The following GRID2 variants were observed in gnomAD, a reference collection of about 807,000 sequenced individuals.
GRID2 encodes glutamate ionotropic receptor delta type subunit 2, also known as glutamate receptor ionotropic, delta-2.
Under a neutral mutation model 114.8 loss-of-function variants are expected in GRID2, and 33 were observed. That is an observed-to-expected ratio of 0.29 (90% confidence interval 0.22 to 0.38). The LOEUF (loss-of-function observed/expected upper bound fraction) is 0.38. Among genes scored for constraint, GRID2 ranks in the 10% least tolerant of loss-of-function variants. The pLI, the probability that GRID2 is intolerant of heterozygous loss-of-function variation, is 1.00. For synonymous variants in GRID2, 505 were observed against 449.9 expected (o/e 1.12, Z -1.55); for missense variants, 1,184 against 1,257.7 (o/e 0.94, Z 0.89).
intron 1 of GRID2, among the ~76,000 whole-genome samples, chr4:92,495,393 G>A (rs147353051): frequency 5.3e-5 from 8 of 152,060 alleles, no homozygotes; most frequent in Non-Finnish European, 1.0e-4. Flanking sequence ...AAGAAATAAG[G>A]TAGAGGATCT....
chr4:92,407,638 A>G (rs982583803), intron 1 of GRID2, among the ~76,000 whole-genome samples: 2 of 152,044 alleles, frequency 1.3e-5, no homozygotes, highest in Middle Eastern at 6.3e-3. Context: ...CTGGTGTGAG[A>G]TGGTATCTCC....
chr4:92,378,029 A>G (rs1729437720), intron 1 of GRID2, among the ~76,000 whole-genome samples: 1 of 152,074 alleles, frequency 6.6e-6, no homozygotes, highest in South Asian at 2.1e-4. Context: ...AAGTACAGCA[A>G]AAATTACTGT....
chr4:92,780,813 T>C (rs1466432675), intron 2 of GRID2, among the ~76,000 whole-genome samples: 1 of 151,398 alleles, frequency 6.6e-6, no homozygotes, highest in Non-Finnish European at 1.5e-5. Flanking sequence ...TAAAACTTGC[T>C]TATATGCCTT....
chr4:93,734,147 T>C (rs1469663400), intron 14 of GRID2, among the ~76,000 whole-genome samples: 2 of 152,054 alleles, frequency 1.3e-5, no homozygotes, highest in Admixed American at 6.5e-5. Context: ...ATAAAAGTTC[T>C]CCCTCAGAGG....
chr4:92,403,698 AAAT>A (rs1730899240), intron 1 of GRID2, among the ~76,000 whole-genome samples: 2 of 8,108 alleles, frequency 2.5e-4, no homozygotes, highest in Non-Finnish European at 5.6e-4. Flanking sequence ...TCTCAAAAAT[AAAT>A]AAATAAATAA....
chr4:93,331,476 C>T (rs1006773918), intron 8 of GRID2, among the ~76,000 whole-genome samples: 2 of 151,884 alleles, frequency 1.3e-5, no homozygotes, highest in African/African-American at 2.4e-5. Flanking sequence ...CTTTTTGTAA[C>T]ATTGATCACA....
At chr4:93,214,603 T>C (rs976025483) in intron 5 of GRID2, among the ~76,000 whole-genome samples, 1 of 152,082 alleles carries the variant, frequency 6.6e-6, no homozygotes, top group East Asian at 1.9e-4. Flanking sequence ...AATTACTTTC[T>C]CTTCCCTTCC....
rs75618602 is a variant in GRID2, at chr4:92,723,628, G to A, written c.244+133342G>A. Among the ~76,000 whole-genome samples the A allele has an allele frequency of 8.0e-3, 1,212 of 152,148 alleles. 19 individuals carry two copies. The highest frequency in any genetic ancestry group is 0.026 in the African/African-American group (1,093 of 41,508). Reference sequence around the variant, plus strand: ...AGTTACTTCTTTATTTTAAAAAGAAGCATTAGCCTTTCAGAATTGCTGTTT... The same window carrying A: ...AGTTACTTCTTTATTTTAAAAAGAAACATTAGCCTTTCAGAATTGCTGTTT... On this transcript the variant is annotated intron_variant, in intron 2 of 15. Transcript: ENST00000282020.
In GRID2 at chr4:93,010,710, A is replaced by AT. The variant is rs565299524; in HGVS notation, c.245-74277dup. Among the ~76,000 whole-genome samples, 707 of 151,944 alleles carry AT rather than the reference A, an allele frequency of 4.7e-3. 2 individuals carry two copies. Among genetic ancestry groups the AT allele is most frequent in the Non-Finnish European group, 5.8e-3 (392 of 67,924 alleles). On this transcript the variant is annotated intron_variant, in intron 2 of 15. Coordinates refer to ENST00000282020, the MANE Select transcript of GRID2 (RefSeq NM_001510.4). ...ATCTGTTTGCCTGAAACTCCAGAGGATTTTTTTTAAAATATCCTTAAGAAC... is the reference window on the plus strand; with the variant it reads ...ATCTGTTTGCCTGAAACTCCAGAGGATTTTTTTTTAAAATATCCTTAAGAAC...
chr4:93,461,125 A>G (rs1221992337), intron 11 of GRID2, among the ~76,000 whole-genome samples: 1 of 152,172 alleles, frequency 6.6e-6, no homozygotes, highest in East Asian at 1.9e-4. Context: ...TTTCTATCCC[A>G]CTGCTCCCTT....
chr4:93,283,011 T>C (rs757095385), intron 8 of GRID2, among the ~76,000 whole-genome samples: 1 of 152,002 alleles, frequency 6.6e-6, no homozygotes, highest in Non-Finnish European at 1.5e-5. Context: ...TCTGCACTTA[T>C]GACCTAAACA....
intron 14 of GRID2, among the ~76,000 whole-genome samples, chr4:93,727,390 G>A (rs1358401497): frequency 6.6e-6 from 1 of 152,172 alleles, no homozygotes; most frequent in African/African-American, 2.4e-5. Context: ...CGGTTTGCCA[G>A]TATTTTATTG....
chr4:92,393,374 T>A (rs1011524288), intron 1 of GRID2, among the ~76,000 whole-genome samples: 1 of 152,210 alleles, frequency 6.6e-6, no homozygotes, highest in Non-Finnish European at 1.5e-5. Context: ...TAATCTTACA[T>A]AATATCTCTC....
At chr4:93,445,541 T>A (rs1442198898) in intron 10 of GRID2, among the ~76,000 whole-genome samples, 2 of 152,052 alleles carry the variant, frequency 1.3e-5, no homozygotes, top group Non-Finnish European at 2.9e-5. Flanking sequence ...TATAAAAGTT[T>A]CACTTTTATG....
chr4:92,604,628 G>A (rs1430433678), intron 2 of GRID2, among the ~76,000 whole-genome samples: 3 of 152,022 alleles, frequency 2.0e-5, no homozygotes, highest in South Asian at 4.1e-4. Flanking sequence ...AACCACCATG[G>A]CAAACATTTG....
At chr4:92,842,034 T>C (rs1742935884) in intron 2 of GRID2, among the ~76,000 whole-genome samples, 1 of 152,120 alleles carries the variant, frequency 6.6e-6, no homozygotes, top group African/African-American at 2.4e-5. Context: ...TTTGCAACTT[T>C]ACAAAACCCC....
intron 1 of GRID2, among the ~76,000 whole-genome samples, chr4:92,445,066 T>A (rs1733379426): frequency 6.6e-6 from 1 of 152,168 alleles, no homozygotes; most frequent in Admixed American, 6.5e-5. Flanking sequence ...TCACTCATCA[T>A]CTAGTAAAAA....
intron 8 of GRID2, among the ~76,000 whole-genome samples, chr4:93,256,241 T>G (rs867911268): frequency 1.3e-5 from 2 of 152,212 alleles, no homozygotes; most frequent in Middle Eastern, 3.4e-3. Flanking sequence ...AACCATGTTT[T>G]AACTTACTGA....
At chr4:93,603,673 G>A (rs1455856688) in intron 13 of GRID2, among the ~76,000 whole-genome samples, 1 of 152,178 alleles carries the variant, frequency 6.6e-6, no homozygotes, top group Non-Finnish European at 1.5e-5. Context: ...AGCTTCAAAG[G>A]ACTGTCTGAC....
Sources: gnomAD v4.1 joint callset for allele counts (sites outside exome capture counted in the v4.1 genomes callset) on GRCh38, gnomAD v4.1.1 for gene constraint, MANE v1.5 for transcripts, NCBI Gene and HGNC (gene_info 2026-07-23, HGNC 2026-07-21) for gene names.